Variants in ST6GALNAC3 observed in about 807,000 individuals in gnomAD.
ST6GALNAC3 encodes the protein ST6 N-acetylgalactosaminide alpha-2,6-sialyltransferase 3.
ST6GALNAC3 carries 25 observed loss-of-function variants against 32.7 expected under a neutral mutation model. The observed-to-expected ratio is 0.76, with a 90% CI of 0.56 to 1.07. The LOEUF (loss-of-function observed/expected upper bound fraction) is 1.07, where lower values mean the gene tolerates loss of function less well. Among genes scored for constraint, ST6GALNAC3 ranks in the 50% least tolerant of loss-of-function variants. ST6GALNAC3 has a pLI of 0.00. For synonymous variants in ST6GALNAC3, 129 were observed against 133.1 expected (o/e 0.97, Z 0.21); for missense variants, 355 against 382.4 (o/e 0.93, Z 0.60).
intron 1 of ST6GALNAC3, among the ~76,000 whole-genome samples, chr1:76,113,360 G>A (rs1648223858): frequency 6.8e-6 from 1 of 147,024 alleles, no homozygotes; most frequent in South Asian, 2.2e-4. Context: ...GAGGGGGAGG[G>A]GGAGGGGGAG....
intron 3 of ST6GALNAC3, among the ~76,000 whole-genome samples, chr1:76,434,082 T>C (rs1429176029): frequency 6.6e-6 from 1 of 152,194 alleles, no homozygotes; most frequent in Non-Finnish European, 1.5e-5. Flanking sequence ...AAGCAAACCA[T>C]GGCAGGTCAC....
At chr1:76,613,044 G>GCCTT (rs1648039314) in intron 3 of ST6GALNAC3, among the ~76,000 whole-genome samples, 1 of 152,144 alleles carries the variant, frequency 6.6e-6, no homozygotes, top group Admixed American at 6.5e-5. Flanking sequence ...CAGGAGGATG[G>GCCTT]CCTTGCCTGT....
At chr1:76,454,417 G>A (rs1321022864) in intron 3 of ST6GALNAC3, among the ~76,000 whole-genome samples, 1 of 152,056 alleles carries the variant, frequency 6.6e-6, no homozygotes, top group Non-Finnish European at 1.5e-5. Context: ...ATTTTGGTGT[G>A]TTTTGAGGAT....
intron 3 of ST6GALNAC3, among the ~76,000 whole-genome samples, chr1:76,568,899 AT>A (rs960820373): frequency 6.6e-5 from 10 of 151,418 alleles, no homozygotes; most frequent in Non-Finnish European, 1.0e-4. Flanking sequence ...TTGTTAATTT[AT>A]TTTTTTTTCC....
chr1:76,119,105 G>A (rs1416428491), intron 1 of ST6GALNAC3, among the ~76,000 whole-genome samples: 1 of 152,216 alleles, frequency 6.6e-6, no homozygotes, highest in Non-Finnish European at 1.5e-5. Context: ...ACCAGCGTGA[G>A]CCACTGCACC....
intron 3 of ST6GALNAC3, among the ~76,000 whole-genome samples, chr1:76,514,319 A>G (rs912021919): frequency 1.3e-5 from 2 of 152,044 alleles, no homozygotes; most frequent in African/African-American, 4.8e-5. Flanking sequence ...CATTTATTTA[A>G]ATGATCATAT....
chr1:76,121,455 G>T (rs534368177), intron 1 of ST6GALNAC3, among the ~76,000 whole-genome samples: 2 of 152,076 alleles, frequency 1.3e-5, no homozygotes, highest in Admixed American at 1.3e-4. Context: ...GGTGGCTCAC[G>T]CCTGTAATCC....
chr1:76,271,357 A>G (rs1658833814), intron 1 of ST6GALNAC3, among the ~76,000 whole-genome samples: 1 of 152,164 alleles, frequency 6.6e-6, no homozygotes, highest in Admixed American at 6.5e-5. Flanking sequence ...TAGGAGGGAG[A>G]AAAGAATTAT....
intron 2 of ST6GALNAC3, among the ~76,000 whole-genome samples, chr1:76,369,627 C>T (rs1650658947): frequency 6.6e-6 from 1 of 152,094 alleles, no homozygotes; most frequent in Admixed American, 6.5e-5. Flanking sequence ...GCTGTGATAG[C>T]TGAGTCTCAG....
chr1:76,580,614 G>A (rs1350835595), intron 3 of ST6GALNAC3, among the ~76,000 whole-genome samples: 1 of 152,122 alleles, frequency 6.6e-6, no homozygotes, highest in East Asian at 1.9e-4. Context: ...GTAGCAAATT[G>A]CTGTACTCTT....
At chr1:76,322,659 C>G (rs7516276) in intron 2 of ST6GALNAC3, among the ~76,000 whole-genome samples, 149,022 of 152,324 alleles carry the variant, frequency 0.98, 72,978 homozygotes, top group East Asian at 1. Flanking sequence ...CCTTACAAAG[C>G]CTTATTCACA....
At position 76,552,946 on chromosome 1, in the gene ST6GALNAC3, A is replaced by G. The variant is rs569616960; in HGVS notation, c.624-74506A>G. The stretch of plus-strand genomic sequence containing the variant: ...TACAAAGATTTTTAGACATAAAAGA[A>G]TGTTAAATTTCATGAAATATTTTTT... On this transcript the variant is annotated intron_variant, in intron 3 of 4. Transcript: ENST00000328299. Among the ~76,000 whole-genome samples the G allele has an allele frequency of 1.6e-4, 25 of 152,310 alleles. 1 individual carries two copies. The highest frequency in any genetic ancestry group is 6.0e-4 in the African/African-American group (25 of 41,578).
chr1:76,201,248 G>A (rs534619739), intron 1 of ST6GALNAC3, among the ~76,000 whole-genome samples: 2 of 152,282 alleles, frequency 1.3e-5, no homozygotes, highest in Admixed American at 1.3e-4. Context: ...TGGCCAGCGA[G>A]GTCTCAATCA....
At chr1:76,240,053 G>A (rs903955739) in intron 1 of ST6GALNAC3, among the ~76,000 whole-genome samples, 3 of 152,148 alleles carry the variant, frequency 2.0e-5, no homozygotes, top group South Asian at 2.1e-4. Context: ...TCAGAGGTGG[G>A]TTCAAATCCA....
intron 1 of ST6GALNAC3, among the ~76,000 whole-genome samples, chr1:76,170,948 A>T (rs1299486977): frequency 1.3e-5 from 2 of 152,194 alleles, no homozygotes; most frequent in Non-Finnish European, 2.9e-5. Context: ...AAGCATAAGG[A>T]TGTACAGTAT....
chr1:76,541,983 TA>T (rs1228243361), intron 3 of ST6GALNAC3, among the ~76,000 whole-genome samples: 1 of 152,242 alleles, frequency 6.6e-6, no homozygotes, highest in South Asian at 2.1e-4. Context: ...TGGTACTTTT[TA>T]AAAAAAATTA....
rs148511553 is a variant in ST6GALNAC3, at chr1:76,441,378, C to T, written c.623+28961C>T. ...TCATTTTACAATAAGGCAAGTGAAG[C>T]TCAGAAAGATTATGAGACTTGCTTA... On this transcript the variant is annotated intron_variant, in intron 3 of 4. Coordinates refer to ENST00000328299, the MANE Select transcript of ST6GALNAC3 (RefSeq NM_152996.4). 1.3e-5 allele frequency among the ~76,000 whole-genome samples: 2 copies of T among 152,158 alleles called. 1 individual carries two copies. The highest frequency in any genetic ancestry group is 2.9e-5 in the Non-Finnish European group (2 of 68,000).
intron 1 of ST6GALNAC3, among the ~76,000 whole-genome samples, chr1:76,129,912 C>T (rs531911100): frequency 2.6e-5 from 4 of 152,272 alleles, no homozygotes; most frequent in Admixed American, 1.3e-4. Flanking sequence ...TCATCATTCT[C>T]GTCATACTGT....
chr1:76,411,208 G>A (rs775552154), intron 2 of ST6GALNAC3, among the ~76,000 whole-genome samples: 5 of 152,106 alleles, frequency 3.3e-5, no homozygotes, highest in East Asian at 1.9e-4. Flanking sequence ...AGAGTTAGAC[G>A]ATCTAGATTT....
Sources: allele counts gnomAD v4.1 joint callset (sites outside exome capture counted in the v4.1 genomes callset), GRCh38; gene constraint gnomAD v4.1.1; transcripts MANE v1.5; gene names NCBI Gene and HGNC (gene_info 2026-07-23, HGNC 2026-07-21).